The following MRPS2 variants were observed in gnomAD, a reference collection of about 807,000 sequenced individuals.
MRPS2 encodes small ribosomal subunit protein uS2m.
A neutral mutation model predicts 18.9 loss-of-function variants in MRPS2; 13 were observed. That is an observed-to-expected ratio of 0.69 (90% CI 0.45 to 1.09). MRPS2 has a LOEUF of 1.09. Among genes scored for constraint, MRPS2 ranks in the 50% least tolerant of loss-of-function variants. MRPS2 has a pLI of 0.00. For synonymous variants in MRPS2, 186 were observed against 178.4 expected (o/e 1.04, Z -0.34); for missense variants, 389 against 421.7 (o/e 0.92, Z 0.68).
At chr9:135,501,421 AG>A in intron 2 of MRPS2, 1 of 1,172,876 alleles carries the variant, frequency 8.5e-7, no homozygotes, top group African/African-American at 1.6e-5. Flanking sequence ...GAGCTCGCCC[AG>A]GCGGGCCCAA....
intron 2 of MRPS2, chr9:135,501,446 A>G: frequency 9.9e-7 from 1 of 1,013,972 alleles, no homozygotes; most frequent in South Asian, 2.3e-5. Flanking sequence ...ACCTGGGGGC[A>G]CTGGGCTTGG....
chr9:135,502,305 G>A (rs973445775), intron 3 of MRPS2: 2 of 1,124,756 alleles, frequency 1.8e-6, no homozygotes, highest in South Asian at 2.3e-5. Flanking sequence ...TCTGGGCTGC[G>A]GGGAGGAGGA....
upstream of MRPS2, chr9:135,500,127 G>A: frequency 8.7e-6 from 4 of 459,676 alleles, no homozygotes; most frequent in Non-Finnish European, 1.5e-5. Context: ...GGACTCCCGG[G>A]CGAAAGAAAC....
rs540402956 is a variant in MRPS2, at chr9:135,503,238, T to C, written c.300-304T>C. 3 of 1,234,568 alleles carry C rather than the reference T, an allele frequency of 2.4e-6. No individual in the cohort carries two copies. In the East Asian group the frequency reaches 1.2e-4, roughly 50 times the overall value. 76.5% of individuals were successfully genotyped at this position (1,234,568 alleles called of 1,614,324 possible). On this transcript the variant is annotated intron_variant, in intron 3 of 3. Coordinates refer to ENST00000241600, the MANE Select transcript of MRPS2 (RefSeq NM_016034.5). ...CCTGTGAGCTGCACGGGGCAGAATG[T>C]CCTTTTGGCGTCATGTTGGATGTCC...
At position 135,504,047 on chromosome 9, in the gene MRPS2, G is replaced by A; in HGVS notation, c.805G>A (p.Ala269Thr). ...RAKEKRQQVEALYRLQGQKEP... is the reference protein window; with the variant it reads ...RAKEKRQQVETLYRLQGQKEP... ...CAAGGAGAAGCGGCAGCAGGTTGAG[G>A]CTCTCTATCGCCTGCAGGGCCAGAA... Residue 269 changes from alanine to threonine, a missense_variant, in exon 4 of 4, where the codon GCT (alanine) becomes ACT (threonine). Physicochemically the swap from Ala to Thr is moderately conservative, Grantham distance 58. Transcript: ENST00000241600. The surrounding 1 kb of genome is among the most constrained non-coding windows in gnomAD (Gnocchi z 4.3). The A allele has an allele frequency of 6.2e-7, 1 of 1,613,136 alleles. No individual in the cohort carries two copies. Among genetic ancestry groups the A allele is most frequent in the Non-Finnish European group, 8.5e-7 (1 of 1,180,030 alleles).
chr9:135,501,914 C>T lies in MRPS2; in HGVS notation c.240C>T (p.Ser80=), dbSNP rs370940557. The T allele has an allele frequency of 2.5e-6, 4 of 1,613,852 alleles. No individual in the cohort carries two copies. Among genetic ancestry groups the T allele is most frequent in the South Asian group, 1.1e-5 (1 of 91,086 alleles). Residue 80 remains serine, a synonymous_variant, in exon 3 of 4, where the codon TCC becomes TCT. Coordinates refer to ENST00000241600, the MANE Select transcript of MRPS2 (RefSeq NM_016034.5). ...SDFFNVKELF[S]VRSLFDARVH... is the part of the protein sequence containing the mutation. Reference sequence around the variant, plus strand: ...TCTTCAATGTCAAGGAACTGTTTTCCGTGAGAAGCCTCTTCGATGCCCGAG... The same window carrying T: ...TCTTCAATGTCAAGGAACTGTTTTCTGTGAGAAGCCTCTTCGATGCCCGAG...
chr9:135,503,080 G>T, intron 3 of MRPS2: 14 of 996,098 alleles, frequency 1.4e-5, no homozygotes, highest in Non-Finnish European at 1.7e-5. Flanking sequence ...TTGGATCAGG[G>T]TTCCCCGCCC....
In MRPS2 at chr9:135,501,842, A is replaced by G. The variant is rs779808534; in HGVS notation, c.170-2A>G. On this transcript the variant is annotated splice_acceptor_variant, in intron 2 of 3. Transcript: ENST00000241600. LOFTEE classifies it high-confidence loss of function. ...CAGCGTCGCTCCTCCTCCCTGCCGT[A>G]GATTTCAACGACAAGATTTTGAATG... 2.5e-6 allele frequency: 4 copies of G among 1,613,398 alleles called. No individual in the cohort carries two copies. Among genetic ancestry groups the G allele is most frequent in the East Asian group, 4.5e-5 (2 of 44,866 alleles).
In MRPS2 at chr9:135,504,223, C is replaced by G. The variant is rs530374665; in HGVS notation, c.*90C>G. The G allele has an allele frequency of 8.5e-7, 1 of 1,179,920 alleles. No homozygotes were observed. The highest frequency in any genetic ancestry group is 2.0e-4 in the Middle Eastern group (1 of 4,894). 73.1% of individuals were successfully genotyped at this position (1,179,920 alleles called of 1,614,324 possible). On this transcript the variant is annotated 3_prime_UTR_variant, in exon 4 of 4. Transcript: ENST00000241600. The surrounding 1 kb of genome is among the most constrained non-coding windows in gnomAD (Gnocchi z 4.3). ...GCCCTGGGTCAGCGGCATCCTCAGT[C>G]GTTGTTACTTACTCAGCTGATGTCA...
chr9:135,502,990 C>A, intron 3 of MRPS2: 1 of 552,972 alleles, frequency 1.8e-6, no homozygotes, highest in Non-Finnish European at 2.3e-6. Flanking sequence ...ATGTGGATGA[C>A]TCGCCTGTCA....
intron 1 of MRPS2, 50 bp from the exon 2 acceptor site, chr9:135,500,948 C>T (rs922501691): frequency 2.2e-5 from 35 of 1,602,482 alleles, no homozygotes; most frequent in Non-Finnish European, 2.8e-5. Context: ...GGGGAGCGGG[C>T]GTGGTGCATT....
chr9:135,500,723 T>A lies in MRPS2; in HGVS notation c.13T>A (p.Ser5Thr), dbSNP rs1323126139. The part of the protein sequence containing the change: MATS[S>T]AALPRILGAG... ...CCGCGTCCCAGCCATGGCGACATCC[T>A]CGGCCGCGCTGCCCCGAATACTCGG... is the stretch of plus-strand genomic sequence containing the variant. The change falls in exon 1 of 4, where the codon TCG becomes ACG. Residue 5 changes from serine (S) to threonine (T), a missense_variant. Transcript: ENST00000241600. The A allele has an allele frequency of 6.1e-6, 9 of 1,480,056 alleles. No individual in the cohort carries two copies. The Admixed American group carries it at 2.1e-4, about 35-fold the overall frequency. 91.7% of individuals were successfully genotyped at this position (1,480,056 alleles called of 1,614,324 possible).
At position 135,501,019 on chromosome 9, in the gene MRPS2, G is replaced by A. The variant is rs769469616; in HGVS notation, c.65G>A (p.Trp22Ter). Residue 22 changes from tryptophan to a stop codon, truncating the protein, a stop_gained, in exon 2 of 4, where the codon TGG becomes TAG. Transcript: ENST00000241600. LOFTEE classifies it high-confidence loss of function. Reference protein sequence around the residue: ...LGAGARAPSRWLGFLGKATPR... With the variant: ...LGAGARAPSR ...CCAGGTGCCCGGGCCCCGTCGCGCT[G>A]GTTGGGCTTTCTCGGGAAGGCGACC... The A allele has an allele frequency of 3.7e-6, 6 of 1,611,836 alleles. No individual in the cohort carries two copies. The East Asian group carries it at 6.7e-5, about 18-fold the overall frequency.
intron 2 of MRPS2, chr9:135,501,616 C>CGACCAGGCTT: frequency 1.5e-6 from 2 of 1,342,958 alleles, no homozygotes; most frequent in Non-Finnish European, 1.9e-6. Context: ...TGACCAGGTT[C>CGACCAGGCTT]GACCAGGCTT....
intron 1 of MRPS2, 77 bp downstream of exon 1, chr9:135,500,830 G>T (rs1024486090): frequency 2.0e-6 from 3 of 1,487,608 alleles, no homozygotes; most frequent in Non-Finnish European, 2.7e-6. Context: ...CGATGGAGCG[G>T]CGGGGACGTG....
chr9:135,501,666 C>T (rs990370017), intron 2 of MRPS2, 178 bp from the exon 3 acceptor site: 4 of 1,421,348 alleles, frequency 2.8e-6, no homozygotes, highest in Non-Finnish European at 3.7e-6. Context: ...GGCTCCAGCC[C>T]TCTGTTTCCT....
chr9:135,500,095 G>T (rs555466179), upstream of MRPS2: 3 of 512,634 alleles, frequency 5.9e-6, no homozygotes, highest in Non-Finnish European at 6.8e-6. Context: ...GGGGGGACCG[G>T]GCCACCCCAG....
rs746234639 is a variant in MRPS2 at position 135,501,967 on chromosome 9, G to A, written c.293G>A (p.Arg98Gln). ...RVHLGHKAGC[R>Q]HRFMEPYIFG... ...CATCTGGGACACAAAGCTGGCTGTCGGCACAGGTAGGTGACACCCCCATCT... is the reference window on the plus strand; with the variant it reads ...CATCTGGGACACAAAGCTGGCTGTCAGCACAGGTAGGTGACACCCCCATCT... The change falls in exon 3 of 4, where the codon CGG becomes CAG. Residue 98 changes from arginine to glutamine, a missense_variant. Arg to Gln is a conservative substitution (Grantham distance 43, BLOSUM62 1). Transcript: ENST00000241600. 5.0e-6 allele frequency: 8 copies of A among 1,613,262 alleles called. No individual in the cohort carries two copies. Among genetic ancestry groups the A allele is most frequent in the African/African-American group, 4.0e-5 (3 of 74,918 alleles).
In MRPS2 at chr9:135,504,267, T is replaced by G; in HGVS notation, c.*134T>G. On this transcript the variant is annotated 3_prime_UTR_variant, in exon 4 of 4. Coordinates refer to ENST00000241600, the MANE Select transcript of MRPS2 (RefSeq NM_016034.5). The surrounding 1 kb of genome is among the most constrained non-coding windows in gnomAD (Gnocchi z 4.3). ...GATGTCACAGTGCAGACATCCACCG[T>G]TCCACCACAGAACCAGTGGCTGAGC... The G allele has an allele frequency of 1.2e-6, 1 of 851,222 alleles. No homozygotes were observed. The highest frequency in any genetic ancestry group is 1.8e-6 in the Non-Finnish European group (1 of 565,316). 52.7% of individuals were successfully genotyped at this position (851,222 alleles called of 1,614,324 possible). A position where few individuals can be genotyped will look rare whatever the true frequency, so the allele number is the denominator to read the frequency against.
Sources: gnomAD v4.1 joint callset for allele counts on GRCh38, gnomAD v4.1.1 for gene constraint, Gnocchi (gnomAD v3.1) non-coding constraint, MANE v1.5 for transcripts, NCBI Gene and HGNC (gene_info 2026-07-23, HGNC 2026-07-21) for gene names.